GPM6B: variants seen among roughly 807,000 people sequenced by gnomAD.
GPM6B encodes neuronal membrane glycoprotein M6-b.
Under a neutral mutation model 27.2 loss-of-function variants are expected in GPM6B, and 4 were observed. The ratio of observed to expected loss-of-function variants is 0.15; its 90% CI spans 0.07 to 0.34. GPM6B has a LOEUF of 0.34. Among genes scored for constraint, GPM6B ranks in the 10% least tolerant of loss-of-function variants. The pLI is 1.00. For synonymous variants in GPM6B, 124 were observed against 103.1 expected (o/e 1.20, Z -1.23); for missense variants, 183 against 261.9 (o/e 0.70, Z 2.08).
At chrX:13,879,034 T>C (rs1241510434) in intron 1 of GPM6B, among the ~76,000 whole-genome samples, 1 of 112,171 alleles carries the variant, frequency 8.9e-6, no homozygotes, top group East Asian at 2.8e-4. Flanking sequence ...CCTCCAGGAC[T>C]ATAACAAATT....
At chrX:13,853,590 C>CAAAAAAAAAAAA (rs66531403) in intron 1 of GPM6B, among the ~76,000 whole-genome samples, 1 of 38,545 alleles carries the variant, frequency 2.6e-5, no homozygotes, top group Non-Finnish European at 4.3e-5. Flanking sequence ...GACACCACCT[C>CAAAAAAAAAAAA]AAAAAAAAAA....
intron 1 of GPM6B, among the ~76,000 whole-genome samples, chrX:13,861,067 C>T (rs12833259): frequency 2.5e-4 from 27 of 106,449 alleles, no homozygotes; most frequent in Middle Eastern, 9.6e-3. Flanking sequence ...TATACACATA[C>T]ATATATATAC....
chrX:13,920,957 T>G (rs1281182212), intron 1 of GPM6B, among the ~76,000 whole-genome samples: 2 of 112,000 alleles, frequency 1.8e-5, no homozygotes, highest in Non-Finnish European at 3.8e-5. Flanking sequence ...TTATGCTGTC[T>G]TCTTTTGTTA....
intron 1 of GPM6B, among the ~76,000 whole-genome samples, chrX:13,935,151 T>C (rs1168700344): frequency 9.0e-6 from 1 of 111,301 alleles, no homozygotes; most frequent in Non-Finnish European, 1.9e-5. Flanking sequence ...GTTGAAACAA[T>C]TATTTCAATA....
intron 1 of GPM6B, among the ~76,000 whole-genome samples, chrX:13,926,288 G>A (rs182496483): frequency 0.022 from 2,336 of 106,239 alleles, 65 homozygotes; most frequent in East Asian, 0.18. Context: ...GGCGCCTGTA[G>A]TCCCAGCTAC....
At chrX:13,912,358 T>C (rs1468120268) in intron 1 of GPM6B, among the ~76,000 whole-genome samples, 1 of 112,070 alleles carries the variant, frequency 8.9e-6, no homozygotes, top group Non-Finnish European at 1.9e-5. Flanking sequence ...AAATTGTTGT[T>C]ACTGTTTAAA....
chrX:13,792,520 T>G (rs1418430752), intron 2 of GPM6B, among the ~76,000 whole-genome samples: 1 of 111,170 alleles, frequency 9.0e-6, no homozygotes, highest in African/African-American at 3.3e-5. Flanking sequence ...CCAGGGATGC[T>G]CCTAAACCTC....
chrX:13,900,571 G>A (rs1024485362), intron 1 of GPM6B, among the ~76,000 whole-genome samples: 2 of 111,541 alleles, frequency 1.8e-5, no homozygotes, highest in South Asian at 7.6e-4. Context: ...TCAGGTGGGC[G>A]CAGTTTTCTG....
chrX:13,876,794 C>G (rs17215655), intron 1 of GPM6B, among the ~76,000 whole-genome samples: 12,261 of 109,816 alleles, frequency 0.11, 578 homozygotes, highest in Admixed American at 0.15. Flanking sequence ...TTATAAAGTG[C>G]TGTATGTCCG....
At chrX:13,804,942 G>T (rs1203163660) in intron 2 of GPM6B, among the ~76,000 whole-genome samples, 1 of 111,487 alleles carries the variant, frequency 9.0e-6, no homozygotes, top group African/African-American at 3.3e-5. Context: ...TGTCTGGAAA[G>T]GCGATGGCAT....
Position 13,798,059 on chromosome X carries a change from G to A in GPM6B, c.181+9591C>T, listed in dbSNP as rs141633918. Reference sequence around the variant, plus strand: ...ATGCTGCTCATGGTGCTGCTTTCATGAGCACACACGTATGTCAAGGCTTGT... The same window carrying A: ...ATGCTGCTCATGGTGCTGCTTTCATAAGCACACACGTATGTCAAGGCTTGT... On this transcript the variant is annotated intron_variant, in intron 2 of 7. Coordinates refer to ENST00000316715, the MANE Select transcript of GPM6B (RefSeq NM_001001995.3). Among the ~76,000 whole-genome samples, 241 of 110,588 alleles carry A rather than the reference G, an allele frequency of 2.2e-3. 2 individuals are homozygous for A. Among genetic ancestry groups the A allele is most frequent in the African/African-American group, 7.8e-3 (238 of 30,389 alleles).
chrX:13,798,068 CG>C (rs1303670480), intron 2 of GPM6B, among the ~76,000 whole-genome samples: 1 of 110,467 alleles, frequency 9.1e-6, no homozygotes, highest in Non-Finnish European at 1.9e-5. Flanking sequence ...TGAGCACACA[CG>C]TATGTCAAGG....
chrX:13,844,461 A>G (rs779689818), intron 1 of GPM6B, among the ~76,000 whole-genome samples: 14 of 112,470 alleles, frequency 1.2e-4, no homozygotes, highest in Non-Finnish European at 2.4e-4. Flanking sequence ...GACAGTTAAA[A>G]TTTGCTTTAA....
chrX:13,834,302 C>A (rs747972678), intron 1 of GPM6B, among the ~76,000 whole-genome samples: 1 of 112,540 alleles, frequency 8.9e-6, no homozygotes, highest in African/African-American at 3.2e-5. Context: ...ACAATATATT[C>A]ACTAGGCAGA....
At chrX:13,845,954 T>C (rs1355142782) in intron 1 of GPM6B, among the ~76,000 whole-genome samples, 1 of 112,159 alleles carries the variant, frequency 8.9e-6, no homozygotes, top group Admixed American at 9.5e-5. Flanking sequence ...TGAGGATTCT[T>C]GCCAGGCCAT....
intron 1 of GPM6B, among the ~76,000 whole-genome samples, chrX:13,938,169 A>G (rs996494851): frequency 8.1e-5 from 9 of 111,089 alleles, no homozygotes. Context: ...TGGCCCCTTA[A>G]AATAAAGCAC....
intron 2 of GPM6B, among the ~76,000 whole-genome samples, chrX:13,805,526 GA>G (rs2049006162): frequency 8.9e-6 from 1 of 112,235 alleles, no homozygotes; most frequent in African/African-American, 3.2e-5. Context: ...TTGGAATTCT[GA>G]AAGAAATCAG....
intron 7 of GPM6B, chrX:13,773,255 A>G (rs2048334468): frequency 6.9e-6 from 2 of 287,917 alleles, no homozygotes; most frequent in East Asian, 9.9e-5. Context: ...GTGAACTGGA[A>G]AAAAATGGCC....
chrX:13,842,376 G>T (rs779792251), intron 1 of GPM6B, among the ~76,000 whole-genome samples: 1 of 111,776 alleles, frequency 8.9e-6, no homozygotes, highest in Admixed American at 9.5e-5. Flanking sequence ...AAAATTTGGC[G>T]AAATATATCA....
Sources: gnomAD v4.1 joint callset for allele counts (sites outside exome capture counted in the v4.1 genomes callset) on GRCh38, gnomAD v4.1.1 for gene constraint, MANE v1.5 for transcripts, NCBI Gene and HGNC (gene_info 2026-07-23, HGNC 2026-07-21) for gene names.